The following COL11A1 variants were observed in gnomAD, a reference collection of about 807,000 sequenced individuals.
COL11A1 encodes the protein collagen type XI alpha 1 chain.
Under a neutral mutation model 265.2 loss-of-function variants are expected in COL11A1, and 74 were observed. The ratio of observed to expected loss-of-function variants is 0.28; its 90% CI spans 0.23 to 0.34. COL11A1 has a LOEUF of 0.34. COL11A1 is among the 10% of genes least tolerant of loss of function. COL11A1 has a pLI of 1.00. For synonymous variants in COL11A1, 816 were observed against 727.6 expected, an observed-to-expected ratio of 1.12 and a Z score of -1.96; for missense variants, 2,165 against 2,263.6, an observed-to-expected ratio of 0.96 and a Z score of 0.88.
At chr1:103,082,717 T>A in intron 2 of COL11A1, 88 bp downstream of exon 2, 1 of 1,155,826 alleles carries the variant, frequency 8.7e-7, no homozygotes, top group Admixed American at 1.9e-5. Context: ...TACTAATTAG[T>A]AAAGAAATAC....
At chr1:103,084,156 C>T (rs528448075) in intron 1 of COL11A1, among the ~76,000 whole-genome samples, 1 of 152,216 alleles carries the variant, frequency 6.6e-6, no homozygotes, top group South Asian at 2.1e-4. Flanking sequence ...GCATTAATTA[C>T]ACTCACAATA....
chr1:102,960,668 GA>G (rs1660814835), intron 41 of COL11A1, among the ~76,000 whole-genome samples: 1 of 151,902 alleles, frequency 6.6e-6, no homozygotes, highest in Non-Finnish European at 1.5e-5. Context: ...TCTCAAAATA[GA>G]AAAGGTCATG....
rs186120015 is a variant in COL11A1, at chr1:102,969,759, T to A, written c.2862+460A>T. Among the ~76,000 whole-genome samples, 260 of 152,348 alleles carry A rather than the reference T, an allele frequency of 1.7e-3. 1 individual carries two copies. Among genetic ancestry groups the A allele is most frequent in the Non-Finnish European group, 2.1e-3 (144 of 68,020 alleles). ...ATAGTTCCCAACCAGTTATAGCCGA[T>A]GGGTCCAATATCAGCAAGTATTTAA... On this transcript the variant is annotated intron_variant, in intron 37 of 66. Transcript: ENST00000370096.
At chr1:103,048,530 T>C (rs959868564) in intron 4 of COL11A1, among the ~76,000 whole-genome samples, 1 of 152,202 alleles carries the variant, frequency 6.6e-6, no homozygotes, top group Non-Finnish European at 1.5e-5. Flanking sequence ...TCTATTTTGT[T>C]GATCTTTTCA....
intron 58 of COL11A1, 129 bp downstream of exon 58, chr1:102,890,322 A>C: frequency 1.2e-6 from 1 of 814,112 alleles, no homozygotes; most frequent in Non-Finnish European, 1.9e-6. Flanking sequence ...TAAGGATTGA[A>C]GCTTTTTTCA....
chr1:102,998,850 G>C (rs1284287036), intron 24 of COL11A1, among the ~76,000 whole-genome samples: 1 of 151,830 alleles, frequency 6.6e-6, no homozygotes, highest in African/African-American at 2.4e-5. Flanking sequence ...GGAAATGAAG[G>C]AAAGTAAATC....
intron 54 of COL11A1, among the ~76,000 whole-genome samples, chr1:102,901,690 G>C (rs980634882): frequency 2.0e-5 from 3 of 151,804 alleles, no homozygotes; most frequent in Non-Finnish European, 2.9e-5. Flanking sequence ...ACTAAAATAG[G>C]GCCTAGTTAA....
intron 1 of COL11A1, among the ~76,000 whole-genome samples, chr1:103,088,454 A>G (rs1673046819): frequency 6.6e-6 from 1 of 152,136 alleles, no homozygotes; most frequent in Admixed American, 6.6e-5. Flanking sequence ...CTTGCTGCCT[A>G]TTTTTATATG....
chr1:102,935,477 G>C (rs3767273), intron 44 of COL11A1, among the ~76,000 whole-genome samples: 75,224 of 151,980 alleles, frequency 0.49, 20,812 homozygotes, highest in East Asian at 0.87. Context: ...AAGGGCCCAT[G>C]AAAAAATTGT....
intron 1 of COL11A1, among the ~76,000 whole-genome samples, chr1:103,099,010 G>A (rs893226495): frequency 6.6e-6 from 1 of 151,746 alleles, no homozygotes; most frequent in African/African-American, 2.4e-5. Flanking sequence ...ATCTCAGGTG[G>A]TTAGGTTATG....
chr1:102,899,360 C>G (rs1652883682), intron 54 of COL11A1, among the ~76,000 whole-genome samples: 1 of 151,962 alleles, frequency 6.6e-6, no homozygotes, highest in African/African-American at 2.4e-5. Context: ...TACTTGTATT[C>G]TACTTTTATT....
At chr1:102,892,026 G>T (rs963912728) in intron 57 of COL11A1, among the ~76,000 whole-genome samples, 1 of 152,152 alleles carries the variant, frequency 6.6e-6, no homozygotes, top group Non-Finnish European at 1.5e-5. Flanking sequence ...GCTGTTGGAA[G>T]TGAAACTGAT....
In COL11A1 at chr1:102,878,171, A is replaced by T. The variant is rs1649737673; in HGVS notation, c.5275-6T>A. On this transcript the variant is annotated splice_region_variant and splice_polypyrimidine_tract_variant and intron_variant, in intron 66 of 66. Transcript: ENST00000370096. Reference sequence around the variant, plus strand: ...TTTTCATAGCCTTTTCTGGACTGTAAAATAAAGCAGAAATAAAAAGTTATA... The same window carrying T: ...TTTTCATAGCCTTTTCTGGACTGTATAATAAAGCAGAAATAAAAAGTTATA... The T allele has an allele frequency of 6.2e-7, 1 of 1,606,864 alleles. No individual in the cohort carries two copies. The highest frequency in any genetic ancestry group is 1.3e-5 in the African/African-American group (1 of 74,634).
intron 4 of COL11A1, among the ~76,000 whole-genome samples, chr1:103,045,572 AACTT>A (rs1240557106): frequency 1.3e-5 from 2 of 152,218 alleles, no homozygotes; most frequent in Non-Finnish European, 2.9e-5. Flanking sequence ...GGTCTTAAAA[AACTT>A]ACTTAAACAA....
chr1:103,057,682 A>T (rs1043835284), intron 4 of COL11A1, among the ~76,000 whole-genome samples: 1 of 152,188 alleles, frequency 6.6e-6, no homozygotes, highest in Non-Finnish European at 1.5e-5. Flanking sequence ...ACACATCTAC[A>T]TCAGAGATCT....
At chr1:102,919,844 C>G (rs116464574) in intron 49 of COL11A1, among the ~76,000 whole-genome samples, 1 of 151,936 alleles carries the variant, frequency 6.6e-6, no homozygotes, top group Non-Finnish European at 1.5e-5. Flanking sequence ...CAAAATATAA[C>G]AAAATGAATG....
In COL11A1 at chr1:102,962,769, G is replaced by T; in HGVS notation, c.2917-9C>A. 6.2e-7 allele frequency: 1 copy of T among 1,612,640 alleles called. No homozygotes were observed. The highest frequency in any genetic ancestry group is 1.3e-5 in the African/African-American group (1 of 75,002). On this transcript the variant is annotated splice_polypyrimidine_tract_variant and intron_variant, in intron 38 of 66. Transcript: ENST00000370096. ...GTCTCACCGGTTGGTCCCTAAATTA[G>T]ATAAGCAAAATCACTTTAGATTGCT...
At chr1:103,064,795 C>T (rs958563626) in intron 4 of COL11A1, among the ~76,000 whole-genome samples, 1 of 148,726 alleles carries the variant, frequency 6.7e-6, no homozygotes, top group Non-Finnish European at 1.5e-5. Flanking sequence ...TGTATGACTG[C>T]AACTAATACA....
At chr1:103,023,585 G>A (rs1667277579) in intron 7 of COL11A1, among the ~76,000 whole-genome samples, 1 of 152,000 alleles carries the variant, frequency 6.6e-6, no homozygotes, top group African/African-American at 2.4e-5. Context: ...TCGAACTCCC[G>A]ACCTGAGGTG....
Sources: gnomAD v4.1 joint callset for allele counts (sites outside exome capture counted in the v4.1 genomes callset) on GRCh38, gnomAD v4.1.1 for gene constraint, MANE v1.5 for transcripts, NCBI Gene and HGNC (gene_info 2026-07-23, HGNC 2026-07-21) for gene names.